The following KCNAB1 variants were observed in gnomAD, a reference collection of about 807,000 sequenced individuals.
KCNAB1 encodes the protein potassium voltage-gated channel subfamily A regulatory beta subunit 1.
A neutral mutation model predicts 64.6 loss-of-function variants in KCNAB1; 35 were observed. The ratio of observed to expected loss-of-function variants is 0.54; its 90% CI spans 0.41 to 0.72. The LOEUF (loss-of-function observed/expected upper bound fraction) is 0.72. Among genes scored for constraint, KCNAB1 ranks in the 30% least tolerant of loss-of-function variants. The pLI is 0.00. For synonymous variants in KCNAB1, 177 were observed against 183.8 expected (o/e 0.96, Z 0.30); for missense variants, 401 against 512.9 (o/e 0.78, Z 2.11).
intron 1 of KCNAB1, among the ~76,000 whole-genome samples, chr3:156,340,381 G>T (rs1724017070): frequency 6.6e-6 from 1 of 152,232 alleles, no homozygotes; most frequent in African/African-American, 2.4e-5. Context: ...TCTTCGAGTG[G>T]GAGGGGCATT....
intron 8 of KCNAB1, among the ~76,000 whole-genome samples, chr3:156,497,580 C>T (rs541016697): frequency 2.0e-4 from 31 of 152,304 alleles, no homozygotes; most frequent in African/African-American, 6.0e-4. Flanking sequence ...ATTCCACATC[C>T]GTCTGTCTGA....
At chr3:156,212,374 G>A (rs1715062190) in intron 1 of KCNAB1, among the ~76,000 whole-genome samples, 1 of 152,000 alleles carries the variant, frequency 6.6e-6, no homozygotes, top group Non-Finnish European at 1.5e-5. Flanking sequence ...AAGATGATGG[G>A]GTAGATTTCT....
intron 1 of KCNAB1, among the ~76,000 whole-genome samples, chr3:156,391,291 T>C (rs1432169325): frequency 1.3e-5 from 2 of 152,202 alleles, no homozygotes; most frequent in Non-Finnish European, 2.9e-5. Flanking sequence ...AAAATAAGGA[T>C]AATTATATCT....
chr3:156,397,617 CT>C (rs36009030), intron 1 of KCNAB1, among the ~76,000 whole-genome samples: 1,565 of 151,480 alleles, frequency 0.01, 24 homozygotes, highest in Non-Finnish European at 9.7e-3. Context: ...GTTTCCTTCC[CT>C]TTTTTTTTCA....
chr3:156,408,146 T>C (rs1023193789), intron 1 of KCNAB1, among the ~76,000 whole-genome samples: 1 of 152,116 alleles, frequency 6.6e-6, no homozygotes, highest in African/African-American at 2.4e-5. Context: ...GCAGAAACTT[T>C]TATTTTTCTC....
At chr3:156,435,428 T>A (rs1359281615) in intron 2 of KCNAB1, among the ~76,000 whole-genome samples, 5 of 152,168 alleles carry the variant, frequency 3.3e-5, no homozygotes, top group Non-Finnish European at 7.3e-5. Flanking sequence ...TGTGTCAGTC[T>A]CTATAGTTTG....
At chr3:156,172,873 A>G (rs1216369579) in intron 1 of KCNAB1, among the ~76,000 whole-genome samples, 1 of 152,226 alleles carries the variant, frequency 6.6e-6, no homozygotes, top group Admixed American at 6.5e-5. Context: ...CTTTTAAGCT[A>G]GAGCAGTTCC....
intron 1 of KCNAB1, among the ~76,000 whole-genome samples, chr3:156,268,811 C>T (rs1425063467): frequency 1.3e-5 from 2 of 152,088 alleles, no homozygotes; most frequent in Admixed American, 1.3e-4. Flanking sequence ...CCCAGTATCT[C>T]TTCACTTTGT....
chr3:156,371,753 T>C (rs1037078512), intron 1 of KCNAB1, among the ~76,000 whole-genome samples: 1 of 152,138 alleles, frequency 6.6e-6, no homozygotes, highest in Non-Finnish European at 1.5e-5. Flanking sequence ...ATAAAAATAC[T>C]CGGTATAGCC....
chr3:156,409,051 T>A (rs2108205965), intron 1 of KCNAB1, among the ~76,000 whole-genome samples: 1 of 152,292 alleles, frequency 6.6e-6, no homozygotes, highest in South Asian at 2.1e-4. Context: ...ATTGTCAACA[T>A]AACCAGCCAC....
intron 1 of KCNAB1, among the ~76,000 whole-genome samples, chr3:156,136,101 C>T (rs547627922): frequency 6.6e-6 from 1 of 152,302 alleles, no homozygotes; most frequent in South Asian, 2.1e-4. Flanking sequence ...GTTCTGTGCA[C>T]TGCACAACAC....
At chr3:156,479,614 TTTAAA>T (rs1217473113) in intron 8 of KCNAB1, among the ~76,000 whole-genome samples, 3 of 152,174 alleles carry the variant, frequency 2.0e-5, no homozygotes, top group Admixed American at 6.5e-5. Flanking sequence ...AAATATGATT[TTTAAA>T]TTAAATTAAA....
chr3:156,158,147 A>C (rs1715835863), intron 1 of KCNAB1, among the ~76,000 whole-genome samples: 1 of 143,338 alleles, frequency 7.0e-6, no homozygotes, highest in Non-Finnish European at 1.5e-5. Context: ...CCTGGGTGAC[A>C]GAGCGAAACT....
chr3:156,310,760 C>T (rs562436758), intron 1 of KCNAB1, among the ~76,000 whole-genome samples: 45 of 152,154 alleles, frequency 3.0e-4, no homozygotes, highest in African/African-American at 9.4e-4. Flanking sequence ...GCTGAGATTG[C>T]GCCACTGCAC....
Position 156,536,652 on chromosome 3 carries a change from T to C in KCNAB1, c.1171-6T>C, listed in dbSNP as rs765072860. ...ATATCCTTTGTACTTCTCCTCCTGCTCTCAGGTTCTCCCAAAGATGACATC... is the reference window on the plus strand; with the variant it reads ...ATATCCTTTGTACTTCTCCTCCTGCCCTCAGGTTCTCCCAAAGATGACATC... On this transcript the variant is annotated splice_polypyrimidine_tract_variant and splice_region_variant and intron_variant, in intron 13 of 13. Transcript: ENST00000490337. 4 of 1,596,950 alleles carry C rather than the reference T, an allele frequency of 2.5e-6. No homozygotes were observed. The African/African-American group carries it at 4.0e-5, about 16-fold the overall frequency.
At chr3:156,249,593 A>C (rs1304563723) in intron 1 of KCNAB1, among the ~76,000 whole-genome samples, 1 of 152,098 alleles carries the variant, frequency 6.6e-6, no homozygotes, top group Non-Finnish European at 1.5e-5. Flanking sequence ...AAAAAAAGAA[A>C]AAAAAGTAAA....
chr3:156,507,618 G>A (rs1177131876), intron 8 of KCNAB1, among the ~76,000 whole-genome samples: 1 of 152,192 alleles, frequency 6.6e-6, no homozygotes, highest in Non-Finnish European at 1.5e-5. Context: ...CTTCAAAGCA[G>A]TACAGTTATA....
intron 13 of KCNAB1, among the ~76,000 whole-genome samples, chr3:156,536,359 T>G (rs573577426): frequency 2.0e-5 from 3 of 152,262 alleles, no homozygotes; most frequent in Non-Finnish European, 4.4e-5. Context: ...TTTTAAGGTA[T>G]CTAATAGAAA....
At chr3:156,482,556 G>A (rs1714902800) in intron 8 of KCNAB1, among the ~76,000 whole-genome samples, 1 of 151,940 alleles carries the variant, frequency 6.6e-6, no homozygotes, top group Non-Finnish European at 1.5e-5. Flanking sequence ...GGGCAGTGGG[G>A]AGGGGGTTTG....
Sources: gnomAD v4.1 joint callset for allele counts (sites outside exome capture counted in the v4.1 genomes callset) on GRCh38, gnomAD v4.1.1 for gene constraint, MANE v1.5 for transcripts, NCBI Gene and HGNC (gene_info 2026-07-23, HGNC 2026-07-21) for gene names.